RYR1: variants seen among roughly 807,000 people sequenced by gnomAD.
RYR1 encodes ryanodine receptor 1.
A neutral mutation model predicts 583.5 loss-of-function variants in RYR1; 342 were observed. The ratio of observed to expected loss-of-function variants is 0.59; its 90% confidence interval spans 0.54 to 0.64. The LOEUF (loss-of-function observed/expected upper bound fraction) is 0.64, where lower values mean the gene tolerates loss of function less well. RYR1 is among the 30% of genes least tolerant of loss of function. RYR1 has a pLI of 0.00. For synonymous variants in RYR1, 2,791 were observed against 2,822.5 expected, an observed-to-expected ratio of 0.99 and a Z score of 0.35; for missense variants, 6,032 against 6,917.2, an observed-to-expected ratio of 0.87 and a Z score of 4.54.
At chr19:38,451,145 G>A (rs901710650) in intron 11 of RYR1, among the ~76,000 whole-genome samples, 1 of 152,210 alleles carries the variant, frequency 6.6e-6, no homozygotes, top group African/African-American at 2.4e-5. Flanking sequence ...GGAATCCTTG[G>A]GGAGGCACTC....
At chr19:38,489,570 C>A in intron 35 of RYR1, 127 bp downstream of exon 35, 1 of 958,378 alleles carries the variant, frequency 1.0e-6, no homozygotes, top group Non-Finnish European at 1.7e-6. Context: ...TGGCAGTGAG[C>A]AATGCCAACT....
chr19:38,496,582 C>A lies in RYR1; in HGVS notation c.6796+41C>A. The A allele has an allele frequency of 6.2e-7, 1 of 1,611,886 alleles. No individual in the cohort carries two copies. The highest frequency in any genetic ancestry group is 8.5e-7 in the Non-Finnish European group (1 of 1,179,404). On this transcript the variant is annotated intron_variant, in intron 41 of 105. Coordinates refer to ENST00000359596, the MANE Select transcript of RYR1 (RefSeq NM_000540.3). The surrounding 1 kb of genome is among the most constrained non-coding windows in gnomAD (Gnocchi z 4.8). Reference sequence around the variant, plus strand: ...CCCAGGGGCTGTCCCCCAGAACCCACTCCTGGCACCCCGTCCAGGCCTGCC... The same window carrying A: ...CCCAGGGGCTGTCCCCCAGAACCCAATCCTGGCACCCCGTCCAGGCCTGCC...
chr19:38,454,023 T>C (rs1323594819), intron 13 of RYR1, among the ~76,000 whole-genome samples: 1 of 152,184 alleles, frequency 6.6e-6, no homozygotes. Flanking sequence ...AGGATGCAGA[T>C]ACAACAATTG....
intron 22 of RYR1, 64 bp from the exon 23 acceptor site, chr19:38,464,574 TG>T: frequency 7.1e-7 from 1 of 1,399,500 alleles, no homozygotes; most frequent in Non-Finnish European, 9.9e-7. Context: ...CCTGAGGCCG[TG>T]GGAGGAGACG....
chr19:38,438,513 C>T (rs1035966196), intron 1 of RYR1, among the ~76,000 whole-genome samples: 78 of 151,400 alleles, frequency 5.2e-4, no homozygotes, highest in Admixed American at 8.6e-4. Flanking sequence ...CTCAGCCTCC[C>T]GAGTAGCAGG....
At chr19:38,532,764 G>T in intron 78 of RYR1, 28 bp downstream of exon 78, 1 of 1,609,474 alleles carries the variant, frequency 6.2e-7, no homozygotes, top group Non-Finnish European at 8.5e-7. Context: ...GTCCTGGAGG[G>T]AAGGGATGGG....
At chr19:38,461,854 A>G (rs974805710) in intron 20 of RYR1, among the ~76,000 whole-genome samples, 2 of 152,134 alleles carry the variant, frequency 1.3e-5, no homozygotes, top group African/African-American at 4.8e-5. Context: ...CAGGAATTCA[A>G]GACCAGCCTG....
At chr19:38,538,960 A>T (rs1242938489) in intron 84 of RYR1, among the ~76,000 whole-genome samples, 1 of 152,214 alleles carries the variant, frequency 6.6e-6, no homozygotes, top group Admixed American at 6.5e-5. Flanking sequence ...TGTGGTTATA[A>T]CCTTTAGCAG....
At chr19:38,443,364 TAGTCC>T (rs1247193895) in intron 3 of RYR1, among the ~76,000 whole-genome samples, 189 bp from the exon 4 acceptor site, 6 of 152,196 alleles carry the variant, frequency 3.9e-5, no homozygotes, top group Non-Finnish European at 8.8e-5. Flanking sequence ...CTCAGAGATA[TAGTCC>T]CTGCTTCCGT....
intron 70 of RYR1, among the ~76,000 whole-genome samples, chr19:38,524,535 G>A (rs1310125025): frequency 3.3e-5 from 5 of 152,182 alleles, no homozygotes; most frequent in Non-Finnish European, 7.3e-5. Context: ...GTTGCCAGCC[G>A]GCGTGGATGT....
In RYR1 at chr19:38,585,055, CCTT is replaced by C. The variant is rs1064794572; in HGVS notation, c.14770_14772del (p.Phe4924del). On this transcript the variant is annotated inframe_deletion, in exon 102 of 106. Transcript: ENST00000359596. ...CTCTACAGGGTGGTCTTCGACATCA[CCTT>C]CTTCTTCTTCGTCATCGTCATCCTG... is the stretch of plus-strand genomic sequence containing the variant. 2 of 1,613,942 alleles carry C rather than the reference CCTT, an allele frequency of 1.2e-6. No homozygotes were observed. Among genetic ancestry groups the C allele is most frequent in the Non-Finnish European group, 1.7e-6 (2 of 1,179,960 alleles).
intron 3 of RYR1, among the ~76,000 whole-genome samples, chr19:38,443,161 C>T (rs187728850): frequency 1.1e-4 from 17 of 152,280 alleles, no homozygotes; most frequent in Admixed American, 1.1e-3. Context: ...ACACGGGCTG[C>T]AGCGCAGCAT....
rs1205012282 is a variant in RYR1 at position 38,502,860 on chromosome 19, T to A, written c.7836-20T>A. 6 of 1,607,036 alleles carry A rather than the reference T, an allele frequency of 3.7e-6. No individual in the cohort carries two copies. The highest frequency in any genetic ancestry group is 5.1e-6 in the Non-Finnish European group (6 of 1,179,316). ...GCGGGCCTGGACGGGGGATTCTACA[T>A]CTTGTGCATTGTCCCGCAGGTACAT... On this transcript the variant is annotated intron_variant, in intron 48 of 105. Transcript: ENST00000359596.
chr19:38,441,486 T>A (rs1242627832), intron 2 of RYR1, among the ~76,000 whole-genome samples: 1 of 140,250 alleles, frequency 7.1e-6, no homozygotes, highest in Middle Eastern at 3.6e-3. Context: ...GGTAGTGGAG[T>A]CTGAGGGAAG....
In RYR1 at chr19:38,580,020, C is replaced by A; in HGVS notation, c.14403C>A (p.Leu4801=). ...LYLGWYMVMS[L]LGHYNNFFFA... ...TGGGCTGGTATATGGTGATGTCCCT[C>A]TTGGGACACTACAACAACTTCTTCT... Residue 4801 remains leucine, a synonymous_variant, in exon 100 of 106, where the codon CTC becomes CTA. Coordinates refer to ENST00000359596, the MANE Select transcript of RYR1 (RefSeq NM_000540.3). The A allele has an allele frequency of 6.2e-7, 1 of 1,614,138 alleles. No homozygotes were observed. Among genetic ancestry groups the A allele is most frequent in the East Asian group, 2.2e-5 (1 of 44,878 alleles).
At position 38,512,053 on chromosome 19, in the gene RYR1, GCCCATCTTCCTCT is replaced by G; in HGVS notation, c.9173-14_9173-2del. ...TCCTCTTAGCCATGGCATCCCCCCG[GCCCATCTTCCTCT>G]CCCAGGGACAGACGCCCCAGCTGTG... is the stretch of plus-strand genomic sequence containing the variant. On this transcript the variant is annotated splice_polypyrimidine_tract_variant and splice_region_variant and intron_variant, in intron 61 of 105. Coordinates refer to ENST00000359596, the MANE Select transcript of RYR1 (RefSeq NM_000540.3). The surrounding 1 kb of genome is among the most constrained non-coding windows in gnomAD (Gnocchi z 5.1). The G allele has an allele frequency of 6.2e-7, 1 of 1,613,106 alleles. No homozygotes were observed. The highest frequency in any genetic ancestry group is 2.2e-5 in the East Asian group (1 of 44,854).
chr19:38,536,659 C>T, intron 82 of RYR1, 91 bp from the exon 83 acceptor site: 1 of 1,452,412 alleles, frequency 6.9e-7, no homozygotes, highest in Non-Finnish European at 9.6e-7. Context: ...GTCTCTGTCC[C>T]TGACTGTCAT....
chr19:38,561,063 A>T lies in RYR1; in HGVS notation c.12283-50A>T. The T allele has an allele frequency of 5.0e-6, 7 of 1,388,896 alleles. No individual in the cohort carries two copies. Among genetic ancestry groups the T allele is most frequent in the Non-Finnish European group, 7.0e-6 (7 of 999,136 alleles). 86.0% of individuals were successfully genotyped at this position (1,388,896 alleles called of 1,614,324 possible). On this transcript the variant is annotated intron_variant, in intron 89 of 105. Coordinates refer to ENST00000359596, the MANE Select transcript of RYR1 (RefSeq NM_000540.3). This position sits in a 1 kb window ranked among gnomAD's most constrained non-coding sequence, Gnocchi z 4.8. ...CTTAAAAAAAAAAAAAAAAAGAGAGAGAATTGAGGCTCTCCAGGTCACCCC... is the reference window on the plus strand; with the variant it reads ...CTTAAAAAAAAAAAAAAAAAGAGAGTGAATTGAGGCTCTCCAGGTCACCCC...
intron 42 of RYR1, among the ~76,000 whole-genome samples, chr19:38,498,122 T>A (rs1354468405): frequency 1.3e-5 from 2 of 152,106 alleles, no homozygotes; most frequent in Non-Finnish European, 2.9e-5. Context: ...GGAGCAAACC[T>A]CATAAGCTGG....
Sources: allele counts gnomAD v4.1 joint callset (sites outside exome capture counted in the v4.1 genomes callset), GRCh38; gene constraint gnomAD v4.1.1; non-coding constraint Gnocchi (gnomAD v3.1); transcripts MANE v1.5; gene names NCBI Gene and HGNC (gene_info 2026-07-23, HGNC 2026-07-21).